CHD7: variants seen among roughly 807,000 people sequenced by gnomAD.
CHD7 encodes ATP-dependent chromatin remodeler CHD7.
A neutral mutation model predicts 307.3 loss-of-function variants in CHD7; 24 were observed. The ratio of observed to expected loss-of-function variants is 0.08; its 90% confidence interval spans 0.06 to 0.11. The LOEUF is 0.11. Ranked by LOEUF, CHD7 falls within the 10% of genes least tolerant of loss-of-function variation. The pLI, the probability that CHD7 is intolerant of heterozygous loss-of-function variation, is 1.00. For synonymous variants in CHD7, 1,363 were observed against 1,349.9 expected (o/e 1.01, Z -0.21); for missense variants, 3,106 against 3,727.1 (o/e 0.83, Z 4.34).
At chr8:60,837,236 G>A (rs1359045286) in intron 17 of CHD7, among the ~76,000 whole-genome samples, 1 of 152,196 alleles carries the variant, frequency 6.6e-6, no homozygotes, top group Admixed American at 6.5e-5. Context: ...TTGGCACATA[G>A]ATAGGGTCTT....
chr8:60,723,198 C>T (rs1433762667), intron 1 of CHD7, among the ~76,000 whole-genome samples: 1 of 151,992 alleles, frequency 6.6e-6, no homozygotes, highest in East Asian at 1.9e-4. Context: ...GTGGTAGTTA[C>T]AGGTTTTCCA....
chr8:60,713,756 C>A (rs554251209), intron 1 of CHD7, among the ~76,000 whole-genome samples: 54 of 152,182 alleles, frequency 3.5e-4, no homozygotes, highest in African/African-American at 1.2e-3. Context: ...CCAGGAGAAG[C>A]CAGGGAAAAC....
intron 2 of CHD7, among the ~76,000 whole-genome samples, chr8:60,760,631 T>G (rs1810142490): frequency 6.7e-6 from 1 of 149,584 alleles, no homozygotes; most frequent in South Asian, 2.1e-4. Flanking sequence ...TACAATGAAC[T>G]CAAACAAATT....
At chr8:60,779,277 T>A (rs1811091877) in intron 2 of CHD7, among the ~76,000 whole-genome samples, 1 of 152,218 alleles carries the variant, frequency 6.6e-6, no homozygotes, top group Non-Finnish European at 1.5e-5. Flanking sequence ...TGAATTTTAA[T>A]CTCTTAACTC....
chr8:60,722,458 A>G (rs1182169646), intron 1 of CHD7, among the ~76,000 whole-genome samples: 1 of 152,250 alleles, frequency 6.6e-6, no homozygotes, highest in Non-Finnish European at 1.5e-5. Flanking sequence ...CAACAATGTT[A>G]TCAACCAGTA....
At chr8:60,694,075 G>C (rs943908711) in intron 1 of CHD7, among the ~76,000 whole-genome samples, 2 of 152,218 alleles carry the variant, frequency 1.3e-5, no homozygotes, top group African/African-American at 4.8e-5. Flanking sequence ...GAATGCAAAG[G>C]CATGGCCACT....
chr8:60,788,950 A>T (rs1811638177), intron 3 of CHD7, among the ~76,000 whole-genome samples: 1 of 152,190 alleles, frequency 6.6e-6, no homozygotes, highest in Non-Finnish European at 1.5e-5. Flanking sequence ...TTACTCTATG[A>T]TGTACCAGAT....
intron 15 of CHD7, among the ~76,000 whole-genome samples, chr8:60,833,097 A>G (rs137996983): frequency 6.6e-6 from 1 of 152,318 alleles, no homozygotes; most frequent in Admixed American, 6.5e-5. Flanking sequence ...ATTCTCATCC[A>G]CAGTCTGGAG....
chr8:60,717,050 T>C (rs869099385), intron 1 of CHD7, among the ~76,000 whole-genome samples: 4 of 129,198 alleles, frequency 3.1e-5, no homozygotes, highest in East Asian at 2.4e-4. Context: ...TTTTTTTTTT[T>C]CCTGGAGTAA....
At chr8:60,686,314 T>C (rs376199019) in intron 1 of CHD7, among the ~76,000 whole-genome samples, 6 of 151,270 alleles carry the variant, frequency 4.0e-5, no homozygotes, top group Non-Finnish European at 7.4e-5. Context: ...GCAATTTATA[T>C]CTAATACTAT....
chr8:60,771,479 G>A (rs1384688), intron 2 of CHD7, among the ~76,000 whole-genome samples: 118,444 of 152,166 alleles, frequency 0.78, 46,364 homozygotes, highest in East Asian at 0.94. Context: ...TTCAGATTTC[G>A]GAGCATTTAG....
intron 21 of CHD7, among the ~76,000 whole-genome samples, chr8:60,843,098 A>G (rs981672137): frequency 6.6e-6 from 1 of 152,176 alleles, no homozygotes; most frequent in Non-Finnish European, 1.5e-5. Context: ...GTTGTTTACA[A>G]TTTTTGAGTC....
intron 1 of CHD7, among the ~76,000 whole-genome samples, chr8:60,718,495 G>A (rs187954159): frequency 9.6e-4 from 146 of 151,542 alleles, no homozygotes; most frequent in African/African-American, 3.5e-3. Context: ...AAAAAAGAAA[G>A]TTTGAAAAGT....
At chr8:60,815,943 CT>C (rs538836405) in intron 7 of CHD7, among the ~76,000 whole-genome samples, 120 of 152,316 alleles carry the variant, frequency 7.9e-4, no homozygotes, top group African/African-American at 2.8e-3. Flanking sequence ...ATTATTTTAA[CT>C]TGATAAAAAC....
intron 1 of CHD7, among the ~76,000 whole-genome samples, chr8:60,687,757 A>T (rs1297200104): frequency 6.6e-6 from 1 of 152,200 alleles, no homozygotes; most frequent in Non-Finnish European, 1.5e-5. Flanking sequence ...AGGTAGAACT[A>T]TTATCCCCAT....
chr8:60,777,892 G>A (rs1410397936), intron 2 of CHD7, among the ~76,000 whole-genome samples: 1 of 152,166 alleles, frequency 6.6e-6, no homozygotes, highest in African/African-American at 2.4e-5. Context: ...CAGAAAGTTT[G>A]ACAGGATGTT....
intron 2 of CHD7, among the ~76,000 whole-genome samples, chr8:60,755,776 AGG>A (rs2150606220): frequency 6.6e-6 from 1 of 152,310 alleles, no homozygotes; most frequent in Admixed American, 6.5e-5. Flanking sequence ...AGTCAACTCA[AGG>A]TTTAAGGAAA....
In CHD7 at chr8:60,836,966, C is replaced by T. The variant is rs763364392; in HGVS notation, c.4139C>T (p.Thr1380Ile). Residue 1380 changes from threonine to isoleucine, a missense_variant, in exon 17 of 38, where the codon ACC (threonine) becomes ATC (isoleucine). Around this residue, in one of 10 missense-constraint regions of CHD7, gnomAD observed 5 missense variants for 35.1 expected, o/e 0.14. Transcript: ENST00000423902. The part of the protein sequence containing the change: ...GLGINLTAAD[T>I]CIIFDSDWNP... ...GGCATTAACCTCACTGCTGCTGATA[C>T]CTGCATCATCTTTGATTCAGACTGG... The T allele has an allele frequency of 6.2e-7, 1 of 1,612,752 alleles. No homozygotes were observed.
chr8:60,715,765 A>G (rs1807567479), intron 1 of CHD7, among the ~76,000 whole-genome samples: 1 of 124,640 alleles, frequency 8.0e-6, no homozygotes, highest in Non-Finnish European at 1.7e-5. Flanking sequence ...CCTTAGAAAA[A>G]CAAAACAAAA....
Sources: gnomAD v4.1 joint callset for allele counts (sites outside exome capture counted in the v4.1 genomes callset) on GRCh38, gnomAD v4.1.1 for gene constraint, gnomAD v4.1.1 regional missense constraint, MANE v1.5 for transcripts, NCBI Gene and HGNC (gene_info 2026-07-23, HGNC 2026-07-21) for gene names.